HCN1: variants seen among roughly 807,000 people sequenced by gnomAD.
HCN1 encodes the protein potassium/sodium hyperpolarization-activated cyclic nucleotide-gated channel 1.
A neutral mutation model predicts 78.9 loss-of-function variants in HCN1; 13 were observed. That is an observed-to-expected ratio of 0.16 (90% CI 0.11 to 0.26). The LOEUF is 0.26. Ranked by LOEUF, HCN1 falls within the 10% of genes least tolerant of loss-of-function variation. The probability of loss-of-function intolerance (pLI) is 1.00; values close to 1 mark genes in which losing one functional copy is unlikely to be tolerated. For synonymous variants in HCN1, 552 were observed against 455.5 expected, an observed-to-expected ratio of 1.21 and a Z score of -2.70; for missense variants, 810 against 1,154.3, an observed-to-expected ratio of 0.70 and a Z score of 4.32.
At chr5:45,423,697 T>C (rs946179109) in intron 3 of HCN1, among the ~76,000 whole-genome samples, 1 of 152,206 alleles carries the variant, frequency 6.6e-6, no homozygotes, top group Non-Finnish European at 1.5e-5. Flanking sequence ...TACAGCATCA[T>C]CTGCTCTCAA....
chr5:45,644,215 A>G (rs1274359954), intron 2 of HCN1: 1 of 152,186 alleles, frequency 6.6e-6, no homozygotes, highest in African/African-American at 2.4e-5. Flanking sequence ...GGAAAGCAAT[A>G]TTCTATAGCC....
rs142271983 is a variant in HCN1, at chr5:45,309,372, T to G, written c.1378-5533A>C. ...ATGCCCTTTATTTACTTCTCTTTCCTAATTGCTATGGCCAGAACTTCCAAT... is the reference window on the plus strand; with the variant it reads ...ATGCCCTTTATTTACTTCTCTTTCCGAATTGCTATGGCCAGAACTTCCAAT... On this transcript the variant is annotated intron_variant, in intron 5 of 7. Transcript: ENST00000303230. Among the ~76,000 whole-genome samples, 838 of 152,256 alleles carry G rather than the reference T, an allele frequency of 5.5e-3. 5 individuals are homozygous for G. Among genetic ancestry groups the G allele is most frequent in the Middle Eastern group, 0.017 (5 of 294 alleles).
chr5:45,261,006 A>G lies in HCN1; in HGVS notation c.*915T>C, dbSNP rs1744727615. 6.6e-6 allele frequency: 1 copy of G among 152,624 alleles called. No homozygotes were observed. Among genetic ancestry groups the G allele is most frequent in the Admixed American group, 6.5e-5 (1 of 15,280 alleles). The allele number at this position is 152,624 out of a possible 1,614,324, so 9.5% of individuals were successfully genotyped here. A position where few individuals can be genotyped will look rare whatever the true frequency, so the allele number is the denominator to read the frequency against. ...AGCAATTTGTAGATTCGAGCATACA[A>G]TTTTGCATAAAACATTGCAGGTTAA... is the stretch of plus-strand genomic sequence containing the variant. On this transcript the variant is annotated 3_prime_UTR_variant, in exon 8 of 8. Transcript: ENST00000303230.
chr5:45,412,369 C>G (rs867053256), intron 3 of HCN1, among the ~76,000 whole-genome samples: 1 of 151,988 alleles, frequency 6.6e-6, no homozygotes, highest in Admixed American at 6.6e-5. Context: ...ATTGTGGTCT[C>G]CTTTATGTAC....
At chr5:45,675,789 G>A (rs1746254687) in intron 1 of HCN1, among the ~76,000 whole-genome samples, 2 of 151,774 alleles carry the variant, frequency 1.3e-5, no homozygotes, top group African/African-American at 2.4e-5. Flanking sequence ...AAAACTTAAA[G>A]TATAAAAGTT....
At chr5:45,541,097 A>G (rs1743096854) in intron 2 of HCN1, among the ~76,000 whole-genome samples, 1 of 152,204 alleles carries the variant, frequency 6.6e-6, no homozygotes, top group South Asian at 2.1e-4. Flanking sequence ...AGAGGAGAAG[A>G]CCTAAACTAT....
At chr5:45,360,052 C>T (rs967273137) in intron 4 of HCN1, among the ~76,000 whole-genome samples, 5 of 150,022 alleles carry the variant, frequency 3.3e-5, no homozygotes, top group Non-Finnish European at 5.9e-5. Context: ...AGTAGTGATA[C>T]TGCATGTATG....
chr5:45,307,081 C>T (rs927195043), intron 5 of HCN1, among the ~76,000 whole-genome samples: 1 of 151,924 alleles, frequency 6.6e-6, no homozygotes, highest in Non-Finnish European at 1.5e-5. Context: ...TTCAAAGGGA[C>T]ACAGGGGCCA....
chr5:45,495,640 G>T (rs1183172326), intron 2 of HCN1, among the ~76,000 whole-genome samples: 1 of 152,116 alleles, frequency 6.6e-6, no homozygotes, highest in East Asian at 1.9e-4. Context: ...ACACTATGTT[G>T]AATAGGAGTG....
At chr5:45,538,921 C>G (rs1476016908) in intron 2 of HCN1, among the ~76,000 whole-genome samples, 1 of 152,166 alleles carries the variant, frequency 6.6e-6, no homozygotes, top group Non-Finnish European at 1.5e-5. Flanking sequence ...AAATAAGATT[C>G]CTAAGTCACA....
chr5:45,316,783 G>A (rs1300694209), intron 5 of HCN1, among the ~76,000 whole-genome samples: 1 of 152,034 alleles, frequency 6.6e-6, no homozygotes, highest in Non-Finnish European at 1.5e-5. Context: ...GACAAACAGA[G>A]AGCCAAATCA....
intron 2 of HCN1, among the ~76,000 whole-genome samples, chr5:45,516,933 C>A (rs1030899043): frequency 2.6e-5 from 4 of 151,852 alleles, no homozygotes; most frequent in Non-Finnish European, 4.4e-5. Flanking sequence ...AAAAAAAATT[C>A]TTCTGCTAAG....
chr5:45,398,652 T>C (rs776958680), intron 3 of HCN1, among the ~76,000 whole-genome samples: 3 of 152,174 alleles, frequency 2.0e-5, no homozygotes, highest in Non-Finnish European at 2.9e-5. Context: ...GTGCAAAAAA[T>C]TGAAAGTAGT....
chr5:45,374,895 G>T (rs774684629), intron 4 of HCN1, among the ~76,000 whole-genome samples: 4 of 144,238 alleles, frequency 2.8e-5, no homozygotes, highest in Non-Finnish European at 6.0e-5. Context: ...TATAGAGAGA[G>T]ACAGAGAGAG....
chr5:45,665,168 A>AATC (rs1167058289), intron 1 of HCN1, among the ~76,000 whole-genome samples: 1 of 152,014 alleles, frequency 6.6e-6, no homozygotes, highest in African/African-American at 2.4e-5. Context: ...TGAAATTGGA[A>AATC]ATCATCATTC....
chr5:45,473,604 T>C (rs928895103), intron 2 of HCN1, among the ~76,000 whole-genome samples: 8 of 151,614 alleles, frequency 5.3e-5, no homozygotes, highest in Non-Finnish European at 7.4e-5. Flanking sequence ...ATATAATCAG[T>C]GACATTGCTT....
intron 4 of HCN1, among the ~76,000 whole-genome samples, chr5:45,374,095 TATA>T (rs1263006032): frequency 5.3e-5 from 5 of 93,684 alleles, no homozygotes; most frequent in East Asian, 6.0e-4. Context: ...CATATATGTA[TATA>T]ATATATATTA....
At chr5:45,558,676 G>C (rs1344619761) in intron 2 of HCN1, 2 of 151,976 alleles carry the variant, frequency 1.3e-5, no homozygotes, top group African/African-American at 4.8e-5. Context: ...TAAAATCAAA[G>C]GGCCCTTAAA....
intron 2 of HCN1, among the ~76,000 whole-genome samples, chr5:45,596,645 CTTAG>C (rs921894523): frequency 6.6e-5 from 10 of 152,138 alleles, no homozygotes; most frequent in African/African-American, 1.2e-4. Flanking sequence ...CAAATTGCCA[CTTAG>C]TTAGAGTTTT....
Sources: allele counts gnomAD v4.1 joint callset (sites outside exome capture counted in the v4.1 genomes callset), GRCh38; gene constraint gnomAD v4.1.1; transcripts MANE v1.5; gene names NCBI Gene and HGNC (gene_info 2026-07-23, HGNC 2026-07-21).